Variants in SRGAP2B observed in about 807,000 individuals in gnomAD.
SRGAP2B encodes SLIT-ROBO Rho GTPase activating protein 2B, also known as SLIT-ROBO Rho GTPase-activating protein 2B.
A neutral mutation model predicts 22.2 loss-of-function variants in SRGAP2B; 9 were observed. That is an observed-to-expected ratio of 0.41 (90% CI 0.24 to 0.71). The LOEUF is 0.71. SRGAP2B is among the 30% of genes least tolerant of loss of function. The probability of loss-of-function intolerance (pLI) is 0.35; values close to 1 mark genes in which losing one functional copy is unlikely to be tolerated. For missense variants in SRGAP2B, 114 were observed against 235.8 expected, an observed-to-expected ratio of 0.48 and a Z score of 3.38; for synonymous variants, 36 against 87.4, an observed-to-expected ratio of 0.41 and a Z score of 3.28.
chr1:144,973,035 G>C lies in SRGAP2B; in HGVS notation c.261-17434C>G, dbSNP rs367667699. On this transcript the variant is annotated intron_variant, in intron 3 of 9. Transcript: ENST00000612199. ...AGGTGGGAGGATCACTTGAGCTCAG[G>C]AGGCAGAGGTTGCAGTGAGCCAAGA... Among the ~76,000 whole-genome samples the C allele has an allele frequency of 4.8e-3, 683 of 141,230 alleles. 9 individuals carry two copies. The highest frequency in any genetic ancestry group is 0.019 in the South Asian group (83 of 4,290). The allele number at this position is 141,230 out of a possible 152,430, so 92.7% of individuals were successfully genotyped here.
chr1:144,985,163 T>C (rs1372117309), intron 3 of SRGAP2B, among the ~76,000 whole-genome samples: 4 of 128,174 alleles, frequency 3.1e-5, no homozygotes, highest in Non-Finnish European at 6.4e-5. Flanking sequence ...TATTTGAATT[T>C]AATTTCTCCC....
chr1:144,925,744 A>AAAGAAAG (rs1664653793), intron 4 of SRGAP2B, among the ~76,000 whole-genome samples: 1 of 130,540 alleles, frequency 7.7e-6, no homozygotes, highest in Non-Finnish European at 1.6e-5. Context: ...AGAAAGAAAG[A>AAAGAAAG]AAGAAAGAAA....
intron 2 of SRGAP2B, among the ~76,000 whole-genome samples, chr1:145,031,704 C>G (rs1357293090): frequency 6.9e-6 from 1 of 144,704 alleles, no homozygotes; most frequent in South Asian, 2.2e-4. Context: ...AAAATTAGCC[C>G]GGAGTGGTGG....
chr1:144,987,632 C>G (rs1374090360), intron 3 of SRGAP2B, among the ~76,000 whole-genome samples: 2 of 150,378 alleles, frequency 1.3e-5, no homozygotes, highest in Non-Finnish European at 3.0e-5. Flanking sequence ...TATATCTTTA[C>G]CAAATCAGAC....
intron 4 of SRGAP2B, among the ~76,000 whole-genome samples, chr1:144,925,825 G>A (rs1664695423): frequency 1.5e-5 from 2 of 131,674 alleles, no homozygotes; most frequent in South Asian, 2.5e-4. Context: ...GAATCTACCT[G>A]GCCTGATTTT....
intron 4 of SRGAP2B, among the ~76,000 whole-genome samples, chr1:144,924,499 G>A (rs1553604673): frequency 6.7e-6 from 1 of 149,742 alleles, no homozygotes; most frequent in Non-Finnish European, 1.5e-5. Context: ...CCAGCACTTT[G>A]GGAGGCCGAG....
intron 2 of SRGAP2B, among the ~76,000 whole-genome samples, chr1:145,084,071 CTTTTTT>C (rs1553635074): frequency 7.5e-6 from 1 of 134,170 alleles, no homozygotes; most frequent in South Asian, 2.3e-4. Flanking sequence ...TCTTTCTTTT[CTTTTTT>C]TTTTTTTTTT....
intron 3 of SRGAP2B, among the ~76,000 whole-genome samples, chr1:144,960,654 A>C (rs1570856691): frequency 6.8e-6 from 1 of 146,676 alleles, no homozygotes; most frequent in African/African-American, 2.6e-5. Context: ...TTATCATCTC[A>C]TCTATAAAAT....
At chr1:144,909,726 G>A (rs1306173390) in intron 5 of SRGAP2B, among the ~76,000 whole-genome samples, 5 of 150,392 alleles carry the variant, frequency 3.3e-5, no homozygotes, top group African/African-American at 1.3e-4. Context: ...GAGGATACGG[G>A]TATACTGAAC....
intron 2 of SRGAP2B, among the ~76,000 whole-genome samples, chr1:145,012,418 A>G (rs1672124135): frequency 6.7e-6 from 1 of 149,588 alleles, no homozygotes; most frequent in Non-Finnish European, 1.5e-5. Context: ...AAAATAAGCA[A>G]GAGTTATTCC....
At chr1:144,985,644 A>C (rs1458608510) in intron 3 of SRGAP2B, among the ~76,000 whole-genome samples, 1 of 150,668 alleles carries the variant, frequency 6.6e-6, no homozygotes, top group South Asian at 2.1e-4. Flanking sequence ...GAGCCAAAGA[A>C]AATGCAAGAA....
intron 4 of SRGAP2B, among the ~76,000 whole-genome samples, chr1:144,931,914 C>G (rs1161230089): frequency 6.9e-6 from 1 of 145,832 alleles, no homozygotes; most frequent in Non-Finnish European, 1.5e-5. Context: ...GGGGGCACTG[C>G]TTCTCATTCT....
At chr1:144,944,032 T>C (rs1309932077) in intron 4 of SRGAP2B, among the ~76,000 whole-genome samples, 1 of 149,672 alleles carries the variant, frequency 6.7e-6, no homozygotes, top group Non-Finnish European at 1.5e-5. Flanking sequence ...CAGTATTTTC[T>C]AAGACGAAGG....
At chr1:145,069,867 A>G (rs1651942954) in intron 2 of SRGAP2B, among the ~76,000 whole-genome samples, 1 of 148,332 alleles carries the variant, frequency 6.7e-6, no homozygotes, top group African/African-American at 2.6e-5. Flanking sequence ...AGACAAAAGT[A>G]CAACGGTTGA....
intron 4 of SRGAP2B, chr1:144,918,193 C>A (rs1664007651): frequency 7.8e-6 from 1 of 128,874 alleles, no homozygotes; most frequent in Non-Finnish European, 1.6e-5. Context: ...CTCAACATTG[C>A]AGGAAACCAA....
At chr1:145,076,541 A>C (rs1239012044) in intron 2 of SRGAP2B, among the ~76,000 whole-genome samples, 1 of 150,026 alleles carries the variant, frequency 6.7e-6, no homozygotes, top group African/African-American at 2.5e-5. Flanking sequence ...TGAGTGAAAA[A>C]AAAAGGCCAA....
intron 4 of SRGAP2B, among the ~76,000 whole-genome samples, chr1:144,934,403 CAAAAAAAAA>C (rs782588401): frequency 2.5e-5 from 1 of 40,692 alleles, no homozygotes; most frequent in Non-Finnish European, 4.8e-5. Flanking sequence ...AACTCCATCT[CAAAAAAAAA>C]AAAAAAAAAA....
intron 2 of SRGAP2B, among the ~76,000 whole-genome samples, chr1:145,006,909 C>A (rs1366312059): frequency 6.6e-6 from 1 of 150,830 alleles, no homozygotes; most frequent in African/African-American, 2.5e-5. Context: ...AGAGGATAGA[C>A]CGCATTCAGA....
At chr1:145,041,075 G>GTATATATATA (rs370443273) in intron 2 of SRGAP2B, among the ~76,000 whole-genome samples, 16 of 76,446 alleles carry the variant, frequency 2.1e-4, no homozygotes, top group East Asian at 4.1e-4. Flanking sequence ...TATATATATA[G>GTATATATATA]TATATATATA....
Sources: allele counts gnomAD v4.1 joint callset (sites outside exome capture counted in the v4.1 genomes callset), GRCh38; gene constraint gnomAD v4.1.1; transcripts MANE v1.5; gene names NCBI Gene and HGNC (gene_info 2026-07-23, HGNC 2026-07-21).